HMCN1: variants seen among roughly 807,000 people sequenced by gnomAD.
The protein encoded by HMCN1 is hemicentin-1.
HMCN1 carries 321 observed loss-of-function variants against 625.9 expected under a neutral mutation model. That is an observed-to-expected ratio of 0.51 (90% CI 0.47 to 0.56). The LOEUF (loss-of-function observed/expected upper bound fraction) is 0.56. Among genes scored for constraint, HMCN1 ranks in the 20% least tolerant of loss-of-function variants. The probability of loss-of-function intolerance (pLI) is 0.00; values close to 1 mark genes in which losing one functional copy is unlikely to be tolerated. For synonymous variants in HMCN1, 2,425 were observed against 2,417.6 expected (o/e 1.00, Z -0.09); for missense variants, 6,588 against 6,887.3 (o/e 0.96, Z 1.54).
intron 6 of HMCN1, among the ~76,000 whole-genome samples, chr1:185,919,175 T>C (rs1571558353): frequency 1.3e-5 from 2 of 151,958 alleles, no homozygotes; most frequent in African/African-American, 4.8e-5. Context: ...TGGCTGGACC[T>C]CCTCTTTGCT....
At chr1:185,850,901 G>T (rs546460449) in intron 2 of HMCN1, among the ~76,000 whole-genome samples, 1 of 152,032 alleles carries the variant, frequency 6.6e-6, no homozygotes, top group Admixed American at 6.6e-5. Context: ...ATTGTTACAG[G>T]CATTGGGAAT....
At chr1:186,102,533 A>G (rs1239413433) in intron 68 of HMCN1, among the ~76,000 whole-genome samples, 1 of 152,138 alleles carries the variant, frequency 6.6e-6, no homozygotes, top group Non-Finnish European at 1.5e-5. Context: ...TTAGGTAAAT[A>G]ATGTTGGTAT....
intron 90 of HMCN1, 80 bp from the exon 91 acceptor site, chr1:186,144,453 T>C (rs910831458): frequency 1.2e-6 from 2 of 1,609,224 alleles, no homozygotes; most frequent in Non-Finnish European, 1.7e-6. Context: ...CAAGAACATC[T>C]CTCAAACTAA....
chr1:186,003,963 T>G, intron 29 of HMCN1, 119 bp downstream of exon 29: 1 of 997,808 alleles, frequency 1.0e-6, no homozygotes, highest in Non-Finnish European at 1.5e-6. Context: ...TAAATGAGCA[T>G]ACAGGAAAAA....
intron 4 of HMCN1, among the ~76,000 whole-genome samples, chr1:185,899,218 A>G (rs964202181): frequency 6.6e-6 from 1 of 152,088 alleles, no homozygotes; most frequent in African/African-American, 2.4e-5. Context: ...TTGGACCCAA[A>G]TTTCTATCAG....
At chr1:186,183,012 A>G (rs898200531) in intron 105 of HMCN1, among the ~76,000 whole-genome samples, 2 of 152,220 alleles carry the variant, frequency 1.3e-5, no homozygotes, top group Non-Finnish European at 2.9e-5. Flanking sequence ...TGCAACATGT[A>G]CTTATATTAA....
At chr1:185,766,522 T>C (rs1372303500) in intron 1 of HMCN1, among the ~76,000 whole-genome samples, 1 of 152,092 alleles carries the variant, frequency 6.6e-6, no homozygotes, top group African/African-American at 2.4e-5. Context: ...GTCATTTTAG[T>C]GCTTAGCAGA....
At chr1:186,164,292 T>C (rs935432903) in intron 97 of HMCN1, among the ~76,000 whole-genome samples, 2 of 147,250 alleles carry the variant, frequency 1.4e-5, no homozygotes, top group Non-Finnish European at 3.0e-5. Context: ...CAGGCTGGAG[T>C]GCAGTGACGC....
chr1:186,055,463 C>T lies in HMCN1; in HGVS notation c.6933C>T (p.Ser2311=), dbSNP rs752504748. The T allele has an allele frequency of 8.1e-6, 13 of 1,612,732 alleles. No individual in the cohort carries two copies. The Admixed American group carries it at 2.2e-4, about 27-fold the overall frequency. The stretch of plus-strand genomic sequence containing the variant: ...TTGTGACCCGAGGGAAGAGTATCTC[C>T]TTGGAGTGTGAGGTGCAGGGTATTC... ...EIIVTRGKSI[S]LECEVQGIPP... Residue 2311 remains serine, a synonymous_variant, in exon 45 of 107, where the codon TCC becomes TCT. Coordinates refer to ENST00000271588, the MANE Select transcript of HMCN1 (RefSeq NM_031935.3).
chr1:185,751,260 C>T (rs1654796091), intron 1 of HMCN1, among the ~76,000 whole-genome samples: 1 of 152,018 alleles, frequency 6.6e-6, no homozygotes, highest in South Asian at 2.1e-4. Flanking sequence ...TGTATACTAC[C>T]TTCATTCTTG....
At chr1:185,740,486 C>G (rs1214979742) in intron 1 of HMCN1, among the ~76,000 whole-genome samples, 1 of 152,040 alleles carries the variant, frequency 6.6e-6, no homozygotes, top group Non-Finnish European at 1.5e-5. Flanking sequence ...TTGACTGATG[C>G]TATGGTTTGG....
rs547709581 is a variant in HMCN1, at chr1:186,027,214, G to A, written c.5749+4061G>A. On this transcript the variant is annotated intron_variant, in intron 36 of 106. Coordinates refer to ENST00000271588, the MANE Select transcript of HMCN1 (RefSeq NM_031935.3). ...ACATTCTCATGGGGTTTTCCAGGGTGGGGAGTTCTGTCATTTATAAAGGGC... is the reference window on the plus strand; with the variant it reads ...ACATTCTCATGGGGTTTTCCAGGGTAGGGAGTTCTGTCATTTATAAAGGGC... Among the ~76,000 whole-genome samples the A allele has an allele frequency of 5.3e-5, 8 of 152,252 alleles. No homozygotes were observed. The South Asian group carries it at 1.2e-3, about 24-fold the overall frequency.
chr1:185,892,217 T>C (rs1665146918), intron 4 of HMCN1, among the ~76,000 whole-genome samples: 1 of 149,124 alleles, frequency 6.7e-6, no homozygotes, highest in Non-Finnish European at 1.5e-5. Flanking sequence ...TTCTTCTAAA[T>C]TTTTTTTAAA....
intron 80 of HMCN1, among the ~76,000 whole-genome samples, chr1:186,120,798 CA>C (rs1315888131): frequency 6.6e-6 from 1 of 152,122 alleles, no homozygotes; most frequent in East Asian, 1.9e-4. Context: ...ATTTATTCAA[CA>C]TTAATAACTG....
In HMCN1 at chr1:185,908,445, C is replaced by T. The variant is rs549617787; in HGVS notation, c.622-892C>T. On this transcript the variant is annotated intron_variant, in intron 4 of 106. Coordinates refer to ENST00000271588, the MANE Select transcript of HMCN1 (RefSeq NM_031935.3). ...TGGTGATATGCAGTCTTAAAAGATACGTAAACCAGAGAAAGATGAGGTGAT... is the reference window on the plus strand; with the variant it reads ...TGGTGATATGCAGTCTTAAAAGATATGTAAACCAGAGAAAGATGAGGTGAT... Among the ~76,000 whole-genome samples, 77 of 151,882 alleles carry T rather than the reference C, an allele frequency of 5.1e-4. 1 individual carries two copies. Among genetic ancestry groups the T allele is most frequent in the South Asian group, 2.1e-4 (1 of 4,806 alleles).
At chr1:186,073,621 G>T (rs1191873203) in intron 52 of HMCN1, among the ~76,000 whole-genome samples, 1 of 152,052 alleles carries the variant, frequency 6.6e-6, no homozygotes, top group Non-Finnish European at 1.5e-5. Context: ...TTAGGGTTTT[G>T]CCAGGGGAGT....
At chr1:186,157,022 A>T (rs769828505) in intron 97 of HMCN1, among the ~76,000 whole-genome samples, 4 of 152,218 alleles carry the variant, frequency 2.6e-5, no homozygotes, top group Non-Finnish European at 5.9e-5. Context: ...ACAGATACCC[A>T]GGTCTCTTTC....
At chr1:186,141,669 C>G (rs1649972140) in intron 89 of HMCN1, among the ~76,000 whole-genome samples, 1 of 152,200 alleles carries the variant, frequency 6.6e-6, no homozygotes, top group South Asian at 2.1e-4. Flanking sequence ...CTAGCTTACA[C>G]TTATGTAGGA....
chr1:186,053,292 A>G (rs1657092620), intron 43 of HMCN1, among the ~76,000 whole-genome samples: 1 of 152,042 alleles, frequency 6.6e-6, no homozygotes, highest in Admixed American at 6.6e-5. Flanking sequence ...CCTCCCTGGA[A>G]AAAAATAATT....
Sources: gnomAD v4.1 joint callset for allele counts (sites outside exome capture counted in the v4.1 genomes callset) on GRCh38, gnomAD v4.1.1 for gene constraint, MANE v1.5 for transcripts, NCBI Gene and HGNC (gene_info 2026-07-23, HGNC 2026-07-21) for gene names.